Variants in SAXO1 observed in about 807,000 individuals in gnomAD.
SAXO1 encodes the protein 4930500O09Rik.
Under a neutral mutation model 17.5 loss-of-function variants are expected in SAXO1, and 21 were observed. That is an observed-to-expected ratio of 1.20 (90% confidence interval 0.85 to 1.72). The LOEUF (loss-of-function observed/expected upper bound fraction) is 1.72, where lower values mean the gene tolerates loss of function less well. SAXO1 is among the 40% of genes most tolerant of loss of function. The pLI is 0.00. For synonymous variants in SAXO1, 274 were observed against 216.5 expected (o/e 1.27, Z -2.33); for missense variants, 843 against 596.0 (o/e 1.41, Z -4.32).
chr9:18,968,379 G>C (rs1021118630), intron 1 of SAXO1, among the ~76,000 whole-genome samples: 2 of 152,172 alleles, frequency 1.3e-5, no homozygotes, highest in Non-Finnish European at 2.9e-5. Context: ...TGGATAATGG[G>C]ATGAATAGAT....
intron 3 of SAXO1, among the ~76,000 whole-genome samples, chr9:18,937,981 G>C (rs1454271659): frequency 1.3e-5 from 2 of 152,158 alleles, no homozygotes; most frequent in Non-Finnish European, 2.9e-5. Context: ...GTTTCCTTTA[G>C]CTACATACTG....
At chr9:18,979,101 G>A (rs1448961611) in intron 1 of SAXO1, among the ~76,000 whole-genome samples, 4 of 152,142 alleles carry the variant, frequency 2.6e-5, no homozygotes, top group Non-Finnish European at 4.4e-5. Flanking sequence ...CTCATTGAAA[G>A]CCATGTTTGA....
At chr9:18,931,109 A>G (rs1831027840) in intron 3 of SAXO1, among the ~76,000 whole-genome samples, 1 of 152,228 alleles carries the variant, frequency 6.6e-6, no homozygotes, top group South Asian at 2.1e-4. Flanking sequence ...ATCCATCACC[A>G]AAATCAAGTT....
Position 19,019,060 on chromosome 9 carries a change from G to C in SAXO1, c.38+13811C>G, listed in dbSNP as rs150903716. 2.6e-5 allele frequency among the ~76,000 whole-genome samples: 4 copies of C among 151,788 alleles called. No individual in the cohort carries two copies. In the East Asian group the frequency reaches 7.8e-4, roughly 29 times the overall value. On this transcript the variant is annotated intron_variant, in intron 1 of 3. Coordinates refer to ENST00000380534, the MANE Select transcript of SAXO1 (RefSeq NM_153707.4). The stretch of plus-strand genomic sequence containing the variant: ...GAAGGTGGAGGTTGCAGTGAGCCGA[G>C]ATCATGCCATTGCACTCCAGCCTGG...
At chr9:18,982,377 C>T (rs1308962378) in intron 1 of SAXO1, among the ~76,000 whole-genome samples, 2 of 152,108 alleles carry the variant, frequency 1.3e-5, no homozygotes, top group South Asian at 2.1e-4. Flanking sequence ...GGAAGGTGTC[C>T]GAGGGAGACC....
chr9:19,047,217 A>C (rs1317145776), intron 1 of SAXO1, among the ~76,000 whole-genome samples: 2 of 152,054 alleles, frequency 1.3e-5, no homozygotes, highest in African/African-American at 4.8e-5. Flanking sequence ...AATAAAACTT[A>C]GCCAGGCATG....
At chr9:18,997,154 G>A (rs1834040678) in intron 1 of SAXO1, among the ~76,000 whole-genome samples, 1 of 152,206 alleles carries the variant, frequency 6.6e-6, no homozygotes, top group Non-Finnish European at 1.5e-5. Flanking sequence ...GCCTCACCCA[G>A]GAAGAACAAG....
intron 1 of SAXO1, among the ~76,000 whole-genome samples, chr9:18,969,767 T>C (rs1832874697): frequency 6.6e-6 from 1 of 152,354 alleles, no homozygotes. Flanking sequence ...AGTCTTATCT[T>C]ATTCTTTCTG....
chr9:18,989,296 G>A (rs951330779), intron 1 of SAXO1, among the ~76,000 whole-genome samples: 4 of 151,960 alleles, frequency 2.6e-5, no homozygotes, highest in Admixed American at 6.6e-5. Context: ...CTCCTACATC[G>A]GATACCAAGT....
intron 1 of SAXO1, among the ~76,000 whole-genome samples, chr9:18,970,975 T>C (rs567266174): frequency 1.3e-5 from 2 of 152,268 alleles, no homozygotes; most frequent in South Asian, 4.2e-4. Context: ...TCTTTCCTTC[T>C]CTAAACGTGG....
chr9:18,940,162 G>T (rs952628590), intron 3 of SAXO1, among the ~76,000 whole-genome samples: 1 of 152,192 alleles, frequency 6.6e-6, no homozygotes, highest in South Asian at 2.1e-4. Context: ...GACGTCAATG[G>T]ACTGGAGGTC....
chr9:18,963,096 A>G lies in SAXO1; in HGVS notation c.39-12159T>C, dbSNP rs566896325. On this transcript the variant is annotated intron_variant, in intron 1 of 3. Coordinates refer to ENST00000380534, the MANE Select transcript of SAXO1 (RefSeq NM_153707.4). ...ATTGTTTTTGTCAGATTTATCAAAG[A>G]TCAGATGGTTGTAGATATGTGGTGT... Among the ~76,000 whole-genome samples the G allele has an allele frequency of 3.3e-5, 5 of 152,330 alleles. No individual in the cohort carries two copies. In the South Asian group the frequency reaches 1.0e-3, roughly 32 times the overall value.
Position 19,000,006 on chromosome 9 carries a change from G to A in SAXO1, c.38+32865C>T, listed in dbSNP as rs150040097. Among the ~76,000 whole-genome samples, 1,235 of 133,084 alleles carry A rather than the reference G, an allele frequency of 9.3e-3. 46 individuals are homozygous for A. The highest frequency in any genetic ancestry group is 0.034 in the African/African-American group (1,159 of 33,626). The allele number at this position is 133,084 out of a possible 152,430, so 87.3% of individuals were successfully genotyped here. A position where few individuals can be genotyped will look rare whatever the true frequency, so the allele number is the denominator to read the frequency against. ...TGGGAAGTGAGGAGCACCTCTGCCCGGCTGTCCCACTGTCTGGGAAGTGAG... is the reference window on the plus strand; with the variant it reads ...TGGGAAGTGAGGAGCACCTCTGCCCAGCTGTCCCACTGTCTGGGAAGTGAG... On this transcript the variant is annotated intron_variant, in intron 1 of 3. Transcript: ENST00000380534.
chr9:18,980,444 A>C (rs1833325749), intron 1 of SAXO1, among the ~76,000 whole-genome samples: 1 of 151,250 alleles, frequency 6.6e-6, no homozygotes, highest in Non-Finnish European at 1.5e-5. Context: ...CAGACTCACC[A>C]AAACTGGCAT....
chr9:19,016,089 G>C (rs1046573409), intron 1 of SAXO1, among the ~76,000 whole-genome samples: 1 of 152,132 alleles, frequency 6.6e-6, no homozygotes, highest in African/African-American at 2.4e-5. Flanking sequence ...CCCTCTCCAA[G>C]GACAATAATA....
intron 1 of SAXO1, among the ~76,000 whole-genome samples, chr9:19,018,245 A>T (rs1396957391): frequency 1.3e-5 from 2 of 151,958 alleles, no homozygotes; most frequent in African/African-American, 4.8e-5. Flanking sequence ...GTACTATATC[A>T]TGTAAAGTTA....
At chr9:18,938,530 G>A (rs1272211348) in intron 3 of SAXO1, among the ~76,000 whole-genome samples, 2 of 151,966 alleles carry the variant, frequency 1.3e-5, no homozygotes, top group Non-Finnish European at 1.5e-5. Flanking sequence ...GTACTAAGGG[G>A]GCAGGGGGGT....
intron 1 of SAXO1, chr9:19,027,706 A>G: frequency 1.5e-6 from 2 of 1,361,090 alleles, no homozygotes; most frequent in Non-Finnish European, 2.1e-6. Flanking sequence ...TGGATGCCAT[A>G]GGCACCAAGC....
At chr9:18,990,613 C>T (rs771378884) in intron 1 of SAXO1, among the ~76,000 whole-genome samples, 2 of 152,150 alleles carry the variant, frequency 1.3e-5, no homozygotes, top group African/African-American at 4.8e-5. Context: ...AGTACCGATC[C>T]GTAGCCTGTT....
Sources: allele counts gnomAD v4.1 joint callset (sites outside exome capture counted in the v4.1 genomes callset), GRCh38; gene constraint gnomAD v4.1.1; transcripts MANE v1.5; gene names NCBI Gene and HGNC (gene_info 2026-07-23, HGNC 2026-07-21).